The following UNC93A variants were observed in gnomAD, a reference collection of about 807,000 sequenced individuals.
UNC93A encodes the protein unc-93 homolog A, also known as N-acetylglucosamine transporter UNC93A.
Under a neutral mutation model 47.5 loss-of-function variants are expected in UNC93A, and 43 were observed. The observed-to-expected ratio is 0.91, with a 90% CI of 0.71 to 1.17. UNC93A has a LOEUF of 1.17. Among genes scored for constraint, UNC93A ranks in the 50% most tolerant of loss-of-function variants. UNC93A has a pLI of 0.00. For missense variants in UNC93A, 605 were observed against 577.6 expected, an observed-to-expected ratio of 1.05 and a Z score of -0.49; for synonymous variants, 280 against 258.0, an observed-to-expected ratio of 1.09 and a Z score of -0.82.
At chr6:167,294,449 G>A in intron 1 of UNC93A, 68 bp from the exon 2 acceptor site, 4 of 1,570,402 alleles carry the variant, frequency 2.5e-6, no homozygotes, top group Admixed American at 1.7e-5. Flanking sequence ...GGGACACTGA[G>A]GACCTGCTGG....
At chr6:167,305,579 A>G (rs1046252440) in intron 5 of UNC93A, among the ~76,000 whole-genome samples, 7 of 151,740 alleles carry the variant, frequency 4.6e-5, no homozygotes, top group African/African-American at 1.7e-4. Flanking sequence ...AACTCTCTTT[A>G]GACCTAACAG....
chr6:167,313,024 T>A (rs1272127725), intron 7 of UNC93A, among the ~76,000 whole-genome samples: 1 of 152,206 alleles, frequency 6.6e-6, no homozygotes, highest in Non-Finnish European at 1.5e-5. Flanking sequence ...AGCGGCTTCA[T>A]CTGGGTCCTA....
chr6:167,307,057 C>A (rs1336574762), intron 6 of UNC93A, among the ~76,000 whole-genome samples: 2 of 152,162 alleles, frequency 1.3e-5, no homozygotes, highest in Non-Finnish European at 2.9e-5. Context: ...TCAGATGAAA[C>A]CATGGGCACA....
intron 1 of UNC93A, among the ~76,000 whole-genome samples, chr6:167,277,609 C>T (rs909226382): frequency 1.3e-5 from 2 of 152,116 alleles, no homozygotes; most frequent in African/African-American, 4.8e-5. Flanking sequence ...CTCTGGCTAT[C>T]TCTGTCTCTC....
intron 1 of UNC93A, among the ~76,000 whole-genome samples, chr6:167,285,084 G>A (rs1264440654): frequency 6.6e-6 from 1 of 152,112 alleles, no homozygotes; most frequent in Non-Finnish European, 1.5e-5. Context: ...TGGGCCTTCG[G>A]GCCCTGCCAG....
At chr6:167,270,454 G>C (rs1220085638), upstream of UNC93A, among the ~76,000 whole-genome samples, 1 of 152,088 alleles carries the variant, frequency 6.6e-6, no homozygotes, top group Non-Finnish European at 1.5e-5. Flanking sequence ...TGGGATGAGG[G>C]AGCAGGGCCC....
In UNC93A at chr6:167,301,762, T is replaced by C. The variant is rs150032292; in HGVS notation, c.626-2157T>C. 5.8e-3 allele frequency among the ~76,000 whole-genome samples: 890 copies of C among 152,176 alleles called. 8 individuals are homozygous for C. Among genetic ancestry groups the C allele is most frequent in the Middle Eastern group, 0.014 (4 of 294 alleles). On this transcript the variant is annotated intron_variant, in intron 4 of 7. Transcript: ENST00000230256. ...TGAAGTCCTGGCCCACAAGACGAGA[T>C]TGTGAAGAAGGCGCTGCCTTCAGTG...
Position 167,297,765 on chromosome 6 carries a change from G to A in UNC93A, c.500-180G>A, listed in dbSNP as rs114183582. Among the ~76,000 whole-genome samples, 967 of 152,234 alleles carry A rather than the reference G, an allele frequency of 6.4e-3. 18 individuals carry two copies. Among genetic ancestry groups the A allele is most frequent in the African/African-American group, 0.023 (936 of 41,506 alleles). On this transcript the variant is annotated intron_variant, in intron 3 of 7. Transcript: ENST00000230256. Reference sequence around the variant, plus strand: ...CAAAGTGTCTTAAATCGAGTCTAGGGACATGTGCCTAGACTCGATCTAAAT... The same window carrying A: ...CAAAGTGTCTTAAATCGAGTCTAGGAACATGTGCCTAGACTCGATCTAAAT...
Position 167,307,829 on chromosome 6 carries a change from C to A in UNC93A, c.1027C>A (p.Arg343Ser). Residue 343 changes from arginine (R) to serine (S), a missense_variant, in exon 7 of 8, where the codon CGT (arginine) becomes AGT (serine). Coordinates refer to ENST00000230256, the MANE Select transcript of UNC93A (RefSeq NM_018974.4). The stretch of plus-strand genomic sequence containing the variant: ...GATTGCCCTACTGCTGTGGAGACCT[C>A]GTGCTGACCATCTGGCAGTGTTCTT... ...CMIALLLWRPRADHLAVFFVF... is the reference protein window; with the variant it reads ...CMIALLLWRPSADHLAVFFVF... 6.2e-7 allele frequency: 1 copy of A among 1,614,116 alleles called. No homozygotes were observed.
rs117716740 is a variant in UNC93A, at chr6:167,306,876, C to T, written c.976+826C>T. ...TGCTCTTCCTCTGTGGCGTCTTGAG[C>T]GTCAATGGGCAGCCTCATTACTGCA... is the stretch of plus-strand genomic sequence containing the variant. On this transcript the variant is annotated intron_variant, in intron 6 of 7. Transcript: ENST00000230256. Among the ~76,000 whole-genome samples the T allele has an allele frequency of 1.1e-3, 168 of 152,242 alleles. 5 individuals carry two copies. The East Asian group carries it at 0.031, about 28-fold the overall frequency.
intron 1 of UNC93A, among the ~76,000 whole-genome samples, chr6:167,292,355 C>T (rs1003809427): frequency 2.0e-5 from 3 of 152,160 alleles, no homozygotes; most frequent in Non-Finnish European, 4.4e-5. Flanking sequence ...TGTGGTCTTA[C>T]ATGGTTCGTC....
intron 1 of UNC93A, among the ~76,000 whole-genome samples, chr6:167,273,673 C>T (rs1181993628): frequency 2.0e-5 from 3 of 152,122 alleles, no homozygotes; most frequent in Non-Finnish European, 2.9e-5. Context: ...TTTATACATG[C>T]TATAGGGCAT....
chr6:167,273,365 A>G, intron 1 of UNC93A, among the ~76,000 whole-genome samples: 1 of 146,404 alleles, frequency 6.8e-6, no homozygotes, highest in East Asian at 2.0e-4. Context: ...GTGGAGAGAC[A>G]GAGCCTCCTC....
At chr6:167,287,742 CGTGT>C (rs10604076), upstream of UNC93A, among the ~76,000 whole-genome samples, 12 of 149,998 alleles carry the variant, frequency 8.0e-5, no homozygotes, top group South Asian at 2.1e-4. Context: ...TGTGTGCATG[CGTGT>C]GTGTGTGTGT....
At chr6:167,295,130 A>C (rs968678718) in intron 2 of UNC93A, among the ~76,000 whole-genome samples, 2 of 152,162 alleles carry the variant, frequency 1.3e-5, no homozygotes. Context: ...GGCAGGTCAC[A>C]GGGATGGGAG....
At chr6:167,278,479 C>A (rs964051927) in intron 1 of UNC93A, among the ~76,000 whole-genome samples, 2 of 152,308 alleles carry the variant, frequency 1.3e-5, no homozygotes, top group African/African-American at 2.4e-5. Context: ...TGAGGACCCA[C>A]GGCCTGCCCT....
intron 5 of UNC93A, among the ~76,000 whole-genome samples, chr6:167,304,514 G>A (rs946956708): frequency 6.6e-6 from 1 of 151,970 alleles, no homozygotes; most frequent in East Asian, 1.9e-4. Flanking sequence ...TATAGGAAAA[G>A]CATTAAGTCC....
intron 7 of UNC93A, among the ~76,000 whole-genome samples, chr6:167,311,463 A>T (rs1216217452): frequency 2.6e-5 from 4 of 152,228 alleles, no homozygotes; most frequent in African/African-American, 9.7e-5. Flanking sequence ...CTAATGAAAG[A>T]TGGGTGCAGT....
intron 2 of UNC93A, among the ~76,000 whole-genome samples, chr6:167,295,454 C>G (rs1173488978): frequency 8.6e-5 from 11 of 128,160 alleles, no homozygotes; most frequent in East Asian, 2.3e-4. Flanking sequence ...GTGCTCCTCG[C>G]CTCCCTCGTG....
Sources: gnomAD v4.1 joint callset for allele counts (sites outside exome capture counted in the v4.1 genomes callset) on GRCh38, gnomAD v4.1.1 for gene constraint, MANE v1.5 for transcripts, NCBI Gene and HGNC (gene_info 2026-07-23, HGNC 2026-07-21) for gene names.